Variants in CILK1 observed in about 807,000 individuals in gnomAD.
CILK1 encodes the protein ciliogenesis associated kinase 1.
A neutral mutation model predicts 79.2 loss-of-function variants in CILK1; 47 were observed. That is an observed-to-expected ratio of 0.59 (90% CI 0.47 to 0.76). The LOEUF (loss-of-function observed/expected upper bound fraction) is 0.76. CILK1 is among the 30% of genes least tolerant of loss of function. CILK1 has a pLI of 0.00. For synonymous variants in CILK1, 266 were observed against 275.9 expected, an observed-to-expected ratio of 0.96 and a Z score of 0.36; for missense variants, 660 against 769.5, an observed-to-expected ratio of 0.86 and a Z score of 1.68.
intron 11 of CILK1, among the ~76,000 whole-genome samples, chr6:53,011,320 A>C (rs191686156): frequency 4.5e-4 from 68 of 152,316 alleles, no homozygotes; most frequent in African/African-American, 1.5e-3. Flanking sequence ...GCCTGGGCCC[A>C]GGCACGGTGG....
intron 11 of CILK1, among the ~76,000 whole-genome samples, chr6:53,011,256 G>C (rs1764552805): frequency 1.3e-5 from 2 of 152,112 alleles, no homozygotes; most frequent in Non-Finnish European, 2.9e-5. Context: ...GCTGGACCCA[G>C]TTTCCTATAC....
intron 2 of CILK1, among the ~76,000 whole-genome samples, chr6:53,040,641 CTG>C (rs1222883053): frequency 6.6e-6 from 1 of 152,202 alleles, no homozygotes; most frequent in African/African-American, 2.4e-5. Flanking sequence ...CCCAGAGAAA[CTG>C]TGAGATAATA....
chr6:53,058,287 T>G (rs953528724), intron 1 of CILK1, among the ~76,000 whole-genome samples: 1 of 152,160 alleles, frequency 6.6e-6, no homozygotes, highest in African/African-American at 2.4e-5. Flanking sequence ...CACCTTGAGG[T>G]AGGCCTGAGC....
At chr6:53,056,655 G>A (rs1015478745) in intron 1 of CILK1, among the ~76,000 whole-genome samples, 2 of 152,152 alleles carry the variant, frequency 1.3e-5, no homozygotes, top group Admixed American at 1.3e-4. Context: ...AGCTCTGTGA[G>A]GTCAGAAACG....
chr6:53,033,580 T>C (rs1408005583), intron 3 of CILK1, among the ~76,000 whole-genome samples: 2 of 152,172 alleles, frequency 1.3e-5, no homozygotes. Context: ...AGCCTCCAAG[T>C]GTCACTTTGG....
At chr6:53,061,365 CCTT>C (rs1768436702) in intron 1 of CILK1, among the ~76,000 whole-genome samples, 3 of 152,220 alleles carry the variant, frequency 2.0e-5, no homozygotes, top group Admixed American at 2.0e-4. Flanking sequence ...TCTTCCCCCT[CCTT>C]AAGACTAAAA....
intron 1 of CILK1, among the ~76,000 whole-genome samples, chr6:53,053,187 T>C (rs572579585): frequency 1.9e-4 from 29 of 152,314 alleles, no homozygotes; most frequent in Admixed American, 5.2e-4. Flanking sequence ...TTTCCTCCTC[T>C]GCCCTGACAG....
intron 9 of CILK1, 113 bp from the exon 10 acceptor site, chr6:53,012,340 A>G: frequency 1.1e-6 from 1 of 919,682 alleles, no homozygotes; most frequent in Non-Finnish European, 1.7e-6. Flanking sequence ...CTGGGGCATA[A>G]CATTGCTTAT....
chr6:53,044,297 T>C (rs1766913032), intron 1 of CILK1, among the ~76,000 whole-genome samples: 1 of 152,150 alleles, frequency 6.6e-6, no homozygotes. Context: ...CGAACCCTAC[T>C]GTGAACTGCC....
chr6:53,012,017 A>T lies in CILK1; in HGVS notation c.1343+20T>A. ...GAATTCCAGATTCAGTCTGTTTACA[A>T]ATGTGAGCAGCACACTTGCCTGCAG... On this transcript the variant is annotated intron_variant, in intron 10 of 13. Coordinates refer to ENST00000676107, the MANE Select transcript of CILK1 (RefSeq NM_014920.5). 1 of 1,614,106 alleles carries T rather than the reference A, an allele frequency of 6.2e-7. No individual in the cohort carries two copies. The highest frequency in any genetic ancestry group is 8.5e-7 in the Non-Finnish European group (1 of 1,179,974).
chr6:53,014,999 C>T (rs1038883800), intron 8 of CILK1, among the ~76,000 whole-genome samples: 1 of 152,206 alleles, frequency 6.6e-6, no homozygotes, highest in African/African-American at 2.4e-5. Flanking sequence ...AGCTTTCCAG[C>T]CCTTGAGCCA....
chr6:53,028,230 C>T (rs1022414506), intron 5 of CILK1, among the ~76,000 whole-genome samples: 2 of 151,566 alleles, frequency 1.3e-5, no homozygotes, highest in Non-Finnish European at 2.9e-5. Flanking sequence ...GCATGAGGAT[C>T]GCTAGAACCT....
chr6:53,055,479 CTTCT>C (rs1406971213), intron 1 of CILK1, among the ~76,000 whole-genome samples: 1 of 152,134 alleles, frequency 6.6e-6, no homozygotes, highest in Non-Finnish European at 1.5e-5. Flanking sequence ...CCAAAAGGAC[CTTCT>C]TTACATGGAT....
intron 7 of CILK1, among the ~76,000 whole-genome samples, chr6:53,017,195 T>C (rs748627174): frequency 6.6e-5 from 10 of 152,304 alleles, no homozygotes; most frequent in Admixed American, 2.6e-4. Context: ...TAATAATTCA[T>C]TCAAATGATT....
intron 5 of CILK1, among the ~76,000 whole-genome samples, chr6:53,029,782 C>A (rs1171440457): frequency 6.6e-6 from 1 of 152,176 alleles, no homozygotes. Context: ...CACCCAGTCT[C>A]CTTGAGTAAT....
At chr6:53,037,882 C>T in intron 3 of CILK1, 57 bp downstream of exon 3, 1 of 1,026,090 alleles carries the variant, frequency 9.7e-7, no homozygotes, top group Non-Finnish European at 1.5e-6. Context: ...TAAATCTAAG[C>T]ATGTACAAAG....
At chr6:53,027,450 C>G (rs566547866) in intron 5 of CILK1, among the ~76,000 whole-genome samples, 1 of 152,198 alleles carries the variant, frequency 6.6e-6, no homozygotes, top group Admixed American at 6.5e-5. Flanking sequence ...AATAGTGACA[C>G]GAAGTATGGC....
chr6:53,044,758 G>T (rs932257947), intron 1 of CILK1, among the ~76,000 whole-genome samples: 3 of 152,100 alleles, frequency 2.0e-5, no homozygotes, highest in African/African-American at 4.8e-5. Flanking sequence ...GTAGGGGTCT[G>T]ATACAATAGG....
At chr6:53,024,579 T>C (rs1765451164) in intron 5 of CILK1, among the ~76,000 whole-genome samples, 1 of 152,202 alleles carries the variant, frequency 6.6e-6, no homozygotes, top group South Asian at 2.1e-4. Flanking sequence ...CAGTGATCTT[T>C]GGTCAACGCA....
Sources: gnomAD v4.1 joint callset for allele counts (sites outside exome capture counted in the v4.1 genomes callset) on GRCh38, gnomAD v4.1.1 for gene constraint, MANE v1.5 for transcripts, NCBI Gene and HGNC (gene_info 2026-07-23, HGNC 2026-07-21) for gene names.